SPMIP8: variants seen among roughly 807,000 people sequenced by gnomAD.
SPMIP8 encodes sperm microtubule inner protein 8.
the SPMIP8 span, among the ~76,000 whole-genome samples, chr16:57,977,407 C>CAAAAAAAA: frequency 1.4e-4 from 14 of 99,752 alleles, no homozygotes; most frequent in Middle Eastern, 5.4e-3. Flanking sequence ...GAGACTGTCT[C>CAAAAAAAA]AAAAAAAAAA....
chr16:57,985,993 T>G, the SPMIP8 span: 1 of 1,559,770 alleles, frequency 6.4e-7, no homozygotes. Flanking sequence ...CTCATCCGAC[T>G]GCTGGGGACA....
the SPMIP8 span, among the ~76,000 whole-genome samples, chr16:57,983,206 C>G: frequency 1.3e-5 from 2 of 151,974 alleles, no homozygotes; most frequent in South Asian, 2.1e-4. Context: ...CAGCCTTAAA[C>G]TCCTGGGCTC....
the SPMIP8 span, among the ~76,000 whole-genome samples, chr16:57,984,037 G>A: frequency 1.3e-5 from 2 of 151,986 alleles, no homozygotes; most frequent in African/African-American, 2.4e-5. Context: ...CCGAGTACCC[G>A]GGATTACAGG....
chr16:57,984,338 G>T, the SPMIP8 span: 3 of 1,614,128 alleles, frequency 1.9e-6, no homozygotes, highest in Non-Finnish European at 1.7e-6. Flanking sequence ...ACTCCTTGGG[G>T]TCCCCAACAA....
chr16:57,985,621 A>T, the SPMIP8 span: 34 of 1,507,428 alleles, frequency 2.3e-5, no homozygotes, highest in Non-Finnish European at 2.6e-5. Flanking sequence ...TTCCTAGCGC[A>T]CAGGCAATGC....
chr16:57,983,143 G>A, the SPMIP8 span, among the ~76,000 whole-genome samples: 2 of 152,134 alleles, frequency 1.3e-5, no homozygotes, highest in Middle Eastern at 6.8e-3. Flanking sequence ...TAAAAACAAG[G>A]TCTCGCTATG....
At chr16:57,981,379 C>CAATAAT in the SPMIP8 span, among the ~76,000 whole-genome samples, 1 of 51,768 alleles carries the variant, frequency 1.9e-5, no homozygotes, top group Non-Finnish European at 7.0e-5. Context: ...CACTCCGTCT[C>CAATAAT]AATAATAATA....
chr16:57,985,912 C>T, the SPMIP8 span: 1 of 1,612,478 alleles, frequency 6.2e-7, no homozygotes, highest in African/African-American at 1.3e-5. Context: ...TTCCCAGGAA[C>T]ACTTTCCGAA....
At chr16:57,984,955 T>G in the SPMIP8 span, 1 of 1,236,886 alleles carries the variant, frequency 8.1e-7, no homozygotes, top group Non-Finnish European at 1.1e-6. Context: ...GCACTTGCGG[T>G]GGGTGGAGCC....
the SPMIP8 span, chr16:57,987,432 G>C: frequency 6.3e-7 from 1 of 1,592,928 alleles, no homozygotes; most frequent in South Asian, 1.1e-5. Flanking sequence ...ATTAATCTCT[G>C]GAAAGGAGGC....
At chr16:57,984,491 C>A in the SPMIP8 span, 1 of 1,516,194 alleles carries the variant, frequency 6.6e-7, no homozygotes, top group Non-Finnish European at 9.0e-7. Context: ...CCCACATCAC[C>A]CCATCCGGGT....
the SPMIP8 span, among the ~76,000 whole-genome samples, chr16:57,980,985 A>C: frequency 2.0e-5 from 3 of 152,132 alleles, no homozygotes; most frequent in African/African-American, 7.2e-5. Flanking sequence ...GAAGTGTTGG[A>C]ATTACAGGCG....
At chr16:57,981,392 A>AATTATTATTATT in the SPMIP8 span, among the ~76,000 whole-genome samples, 3 of 83,586 alleles carry the variant, frequency 3.6e-5, no homozygotes, top group Non-Finnish European at 6.1e-5. Context: ...TAATAATAAT[A>AATTATTATTATT]ATTATTATTA....
the SPMIP8 span, chr16:57,984,239 TCTC>T: frequency 2.5e-4 from 385 of 1,565,558 alleles, no homozygotes; most frequent in Non-Finnish European, 3.0e-4. Context: ...GGGCCAAAGT[TCTC>T]CTATGACCTC....
the SPMIP8 span, among the ~76,000 whole-genome samples, chr16:57,980,290 A>G: frequency 6.6e-6 from 1 of 152,232 alleles, no homozygotes; most frequent in South Asian, 2.1e-4. Flanking sequence ...ATTCATGAAG[A>G]TAGTACTGAC....
chr16:57,986,483 T>TC, the SPMIP8 span: 1 of 152,086 alleles, frequency 6.6e-6, no homozygotes. Context: ...CAGACTAGAC[T>TC]CCCCCGAAAC....
the SPMIP8 span, among the ~76,000 whole-genome samples, chr16:57,981,040 G>T: frequency 6.6e-6 from 1 of 152,102 alleles, no homozygotes; most frequent in East Asian, 1.9e-4. Flanking sequence ...AAGTGTAGGG[G>T]TGCGTGACTT....
chr16:57,987,268 CA>C, the SPMIP8 span: 1 of 906,940 alleles, frequency 1.1e-6, no homozygotes, highest in Non-Finnish European at 1.5e-6. Context: ...AACAGGGAGC[CA>C]CTGAAGTCTC....
At chr16:57,977,655 C>T in the SPMIP8 span, among the ~76,000 whole-genome samples, 2 of 151,922 alleles carry the variant, frequency 1.3e-5, no homozygotes, top group Non-Finnish European at 2.9e-5. Context: ...GTTCCTGCCA[C>T]CTCATGCTGA....
Sources: gnomAD v4.1 joint callset for allele counts (sites outside exome capture counted in the v4.1 genomes callset) on GRCh38, gnomAD v4.1.1 for gene constraint, MANE v1.5 for transcripts, NCBI Gene and HGNC (gene_info 2026-07-23, HGNC 2026-07-21) for gene names.